Variants in HS2ST1 observed in about 807,000 individuals in gnomAD.
The protein encoded by HS2ST1 is heparan sulfate 2-O-sulfotransferase 1, also known as 2-O-sulfotransferase.
Under a neutral mutation model 42.9 loss-of-function variants are expected in HS2ST1, and 18 were observed. The ratio of observed to expected loss-of-function variants is 0.42; its 90% confidence interval spans 0.29 to 0.62. The LOEUF (loss-of-function observed/expected upper bound fraction) is 0.62. HS2ST1 is among the 20% of genes least tolerant of loss of function. HS2ST1 has a pLI of 0.21. For synonymous variants in HS2ST1, 146 were observed against 152.9 expected, an observed-to-expected ratio of 0.95 and a Z score of 0.33; for missense variants, 334 against 433.8, an observed-to-expected ratio of 0.77 and a Z score of 2.04.
chr1:87,026,857 A>AT (rs772712204), intron 1 of HS2ST1, among the ~76,000 whole-genome samples: 3 of 152,072 alleles, frequency 2.0e-5, no homozygotes, highest in Non-Finnish European at 2.9e-5. Flanking sequence ...AGAAAAAAAA[A>AT]CTTGATTAAA....
intron 1 of HS2ST1, among the ~76,000 whole-genome samples, chr1:87,009,906 G>T (rs963304560): frequency 5.3e-5 from 8 of 151,672 alleles, no homozygotes; most frequent in Admixed American, 3.3e-4. Context: ...CTGGTGGCGG[G>T]CACCTGTAGT....
chr1:86,967,781 A>G (rs1351995182), intron 1 of HS2ST1, among the ~76,000 whole-genome samples: 2 of 152,160 alleles, frequency 1.3e-5, no homozygotes, highest in African/African-American at 2.4e-5. Flanking sequence ...CGTCTTTTTC[A>G]TATAATGACT....
chr1:87,014,933 T>A (rs2100581756), intron 1 of HS2ST1, among the ~76,000 whole-genome samples: 1 of 152,386 alleles, frequency 6.6e-6, no homozygotes, highest in Non-Finnish European at 1.5e-5. Context: ...GGTATTCTCA[T>A]GAAAATGCTC....
chr1:86,989,440 A>C (rs900238075), intron 1 of HS2ST1, among the ~76,000 whole-genome samples: 4 of 152,234 alleles, frequency 2.6e-5, no homozygotes, highest in African/African-American at 9.6e-5. Context: ...TTTTTAAATC[A>C]ACTAGTTCCT....
intron 1 of HS2ST1, among the ~76,000 whole-genome samples, chr1:87,039,339 G>A (rs977860936): frequency 6.6e-6 from 1 of 152,228 alleles, no homozygotes; most frequent in Non-Finnish European, 1.5e-5. Flanking sequence ...AGGGCGCGGT[G>A]TGGACCATAG....
At chr1:86,993,082 A>G in intron 1 of HS2ST1, 4 of 1,596,294 alleles carry the variant, frequency 2.5e-6, no homozygotes, top group Non-Finnish European at 2.6e-6. Flanking sequence ...TTTCCTGTAC[A>G]TGCTGTTTAT....
chr1:87,018,017 C>T (rs1649809860), intron 1 of HS2ST1, among the ~76,000 whole-genome samples: 1 of 152,054 alleles, frequency 6.6e-6, no homozygotes, highest in Admixed American at 6.6e-5. Context: ...CATTGGCTTA[C>T]ATCTTTATTT....
chr1:86,964,280 G>T (rs557337480), intron 1 of HS2ST1, among the ~76,000 whole-genome samples: 2 of 152,344 alleles, frequency 1.3e-5, no homozygotes, highest in South Asian at 4.1e-4. Flanking sequence ...GGGAGGCCAA[G>T]GCAGGCGGCT....
intron 1 of HS2ST1, among the ~76,000 whole-genome samples, chr1:87,033,966 G>A (rs78231140): frequency 5.3e-4 from 81 of 152,280 alleles, no homozygotes; most frequent in African/African-American, 1.9e-3. Context: ...GACAGGAATG[G>A]AAAAATTACA....
chr1:86,990,995 G>A (rs1263806661), intron 1 of HS2ST1, among the ~76,000 whole-genome samples: 2 of 150,536 alleles, frequency 1.3e-5, no homozygotes, highest in African/African-American at 4.9e-5. Context: ...AGTTTCTGTT[G>A]TGACTTCTGA....
intron 5 of HS2ST1, among the ~76,000 whole-genome samples, chr1:87,100,590 C>T (rs1392715873): frequency 1.3e-5 from 2 of 152,178 alleles, no homozygotes; most frequent in Non-Finnish European, 2.9e-5. Context: ...TAAGTGATTG[C>T]TCCACAGTGT....
intron 1 of HS2ST1, among the ~76,000 whole-genome samples, chr1:86,985,477 CATAT>C (rs1224841313): frequency 3.4e-4 from 39 of 115,160 alleles, no homozygotes; most frequent in African/African-American, 1.0e-3. Context: ...CATATATACA[CATAT>C]ATACACATAT....
At chr1:87,079,480 C>T (rs968572759) in intron 2 of HS2ST1, among the ~76,000 whole-genome samples, 7 of 152,000 alleles carry the variant, frequency 4.6e-5, no homozygotes, top group Non-Finnish European at 7.4e-5. Context: ...TTAGTGTGAA[C>T]CATGTTAGCC....
In HS2ST1 at chr1:86,914,943, C is replaced by G. The variant is rs890061710; in HGVS notation, c.-94C>G. 12 of 1,523,816 alleles carry G rather than the reference C, an allele frequency of 7.9e-6. No homozygotes were observed. The highest frequency in any genetic ancestry group is 1.1e-5 in the Non-Finnish European group (12 of 1,113,044). The allele number at this position is 1,523,816 out of a possible 1,614,324, so 94.4% of individuals were successfully genotyped here. A position where few individuals can be genotyped will look rare whatever the true frequency, so the allele number is the denominator to read the frequency against. ...GCTGTCGCTCTCTCTTTGCCTCGCT[C>G]CCGGCTCGGCGGGCTCCTCCCGGCG... On this transcript the variant is annotated 5_prime_UTR_variant, in exon 1 of 7. Transcript: ENST00000370550.
intron 1 of HS2ST1, among the ~76,000 whole-genome samples, chr1:86,944,717 A>G (rs1454184317): frequency 6.6e-6 from 1 of 152,128 alleles, no homozygotes; most frequent in East Asian, 1.9e-4. Context: ...TAATGGTAAA[A>G]GCATATTTGC....
Position 87,103,486 on chromosome 1 carries a change from A to G in HS2ST1, c.741A>G (p.Glu247=), listed in dbSNP as rs1333307002. ...AAGCCAAGTATAACCTAATTAATGA[A>G]TATTTTCTGGTGGGAGTTACTGAAG... The part of the protein sequence containing the change: ...MDQAKYNLIN[E]YFLVGVTEEL... The change falls in exon 6 of 7, where the codon GAA becomes GAG. Residue 247 remains glutamate, a synonymous_variant. Coordinates refer to ENST00000370550, the MANE Select transcript of HS2ST1 (RefSeq NM_012262.4). 6.2e-7 allele frequency: 1 copy of G among 1,613,038 alleles called. No individual in the cohort carries two copies. Among genetic ancestry groups the G allele is most frequent in the East Asian group, 2.2e-5 (1 of 44,838 alleles).
At chr1:87,082,540 A>ATC (rs1651721084) in intron 2 of HS2ST1, among the ~76,000 whole-genome samples, 1 of 152,234 alleles carries the variant, frequency 6.6e-6, no homozygotes, top group Non-Finnish European at 1.5e-5. Flanking sequence ...TTTAGCCACC[A>ATC]TCTTCAATGC....
rs11345061 is a variant in HS2ST1, at chr1:87,010,055, C to CAA, written c.125-62869_125-62868dup. Reference sequence around the variant, plus strand: ...GTCTCAAAAACAAAACAAAACAAAACAAAAAAAAAAACAAAAACAAACTTC... The same window carrying CAA: ...GTCTCAAAAACAAAACAAAACAAAACAAAAAAAAAAAAACAAAAACAAACTTC... On this transcript the variant is annotated intron_variant, in intron 1 of 6. Transcript: ENST00000370550. Among the ~76,000 whole-genome samples the CAA allele has an allele frequency of 1.8e-4, 26 of 148,480 alleles. No homozygotes were observed. In the East Asian group the frequency reaches 3.9e-3, roughly 23 times the overall value.
chr1:86,938,694 AC>A (rs765362466), intron 1 of HS2ST1, among the ~76,000 whole-genome samples: 7 of 152,146 alleles, frequency 4.6e-5, no homozygotes, highest in Non-Finnish European at 8.8e-5. Flanking sequence ...TGTGTCATTC[AC>A]CGTGGCACAG....
Sources: allele counts gnomAD v4.1 joint callset (sites outside exome capture counted in the v4.1 genomes callset), GRCh38; gene constraint gnomAD v4.1.1; transcripts MANE v1.5; gene names NCBI Gene and HGNC (gene_info 2026-07-23, HGNC 2026-07-21).